Variants in EPRS1 observed in about 807,000 individuals in gnomAD.
The protein encoded by EPRS1 is glutamyl-prolyl-tRNA synthetase 1.
In EPRS1, 107 loss-of-function variants were observed where a neutral mutation model predicts 188.3. That is an observed-to-expected ratio of 0.57 (90% CI 0.49 to 0.67). EPRS1 has a LOEUF of 0.67. EPRS1 is among the 30% of genes least tolerant of loss of function. The pLI, the probability that EPRS1 is intolerant of heterozygous loss-of-function variation, is 0.00. For synonymous variants in EPRS1, 596 were observed against 593.1 expected (o/e 1.00, Z -0.07); for missense variants, 1,577 against 1,802.2 (o/e 0.88, Z 2.26).
intron 5 of EPRS1, among the ~76,000 whole-genome samples, chr1:220,032,138 G>C (rs188041160): frequency 1.3e-5 from 2 of 151,362 alleles, no homozygotes; most frequent in Non-Finnish European, 2.9e-5. Flanking sequence ...GCAGTGGCGC[G>C]ATCTCGGCTC....
chr1:220,001,391 AGT>A (rs1345720303), intron 16 of EPRS1, 136 bp from the exon 17 acceptor site: 13 of 626,012 alleles, frequency 2.1e-5, no homozygotes, highest in Middle Eastern at 4.2e-4. Flanking sequence ...TTTTTGAGAC[AGT>A]CTCACTCTGT....
Position 219,978,696 on chromosome 1 carries a change from A to G in EPRS1, c.3933T>C (p.Ile1311=), listed in dbSNP as rs150377638. ...TGTCTTCTTCAGAAAGTGCATTGGT[A>G]ATGCCACAAGGAATAATCACCACCT... ...CVQVVIIPCG[I]TNALSEEDKE... Residue 1311 remains isoleucine (I), a synonymous_variant, in exon 28 of 32, where the codon ATT becomes ATC. Coordinates refer to ENST00000366923, the MANE Select transcript of EPRS1 (RefSeq NM_004446.3). 2.6e-5 allele frequency: 42 copies of G among 1,610,786 alleles called. No individual in the cohort carries two copies. The African/African-American group carries it at 4.1e-4, about 16-fold the overall frequency.
intron 2 of EPRS1, among the ~76,000 whole-genome samples, chr1:220,036,413 CAA>C (rs1199287809): frequency 6.6e-6 from 1 of 151,476 alleles, no homozygotes; most frequent in African/African-American, 2.4e-5. Flanking sequence ...TTCACAATAA[CAA>C]AGACATGGAA....
chr1:220,020,598 G>A (rs1205478243), intron 9 of EPRS1, among the ~76,000 whole-genome samples: 3 of 149,514 alleles, frequency 2.0e-5, no homozygotes, highest in South Asian at 2.1e-4. Context: ...TTTTTGAGAC[G>A]GAGTCTCACT....
At position 220,006,154 on chromosome 1, in the gene EPRS1, C is replaced by T. The variant is rs1224456338; in HGVS notation, c.1902G>A (p.Val634=). The T allele has an allele frequency of 1.3e-6, 2 of 1,596,702 alleles. No homozygotes were observed. Among genetic ancestry groups the T allele is most frequent in the Admixed American group, 1.7e-5 (1 of 58,664 alleles). Residue 634 remains valine, a synonymous_variant, in exon 15 of 32, where the codon GTG becomes GTA. Coordinates refer to ENST00000366923, the MANE Select transcript of EPRS1 (RefSeq NM_004446.3). The part of the protein sequence containing the change: ...VTYEHLITKP[V]LGKDEDFKQY... ...GCTTAAAGTCCTCGTCTTTTCCTAG[C>T]ACTGGCTTTGTGATCAAGTGCTCAT...
intron 24 of EPRS1, 76 bp from the exon 25 acceptor site, chr1:219,980,933 T>C: frequency 1.1e-6 from 1 of 941,220 alleles, no homozygotes; most frequent in Non-Finnish European, 1.7e-6. Flanking sequence ...AGGGTCTTGC[T>C]CTGTCCCCCA....
intron 29 of EPRS1, among the ~76,000 whole-genome samples, chr1:219,972,603 C>G (rs1160677486): frequency 6.6e-6 from 1 of 152,176 alleles, no homozygotes; most frequent in Non-Finnish European, 1.5e-5. Flanking sequence ...TGGTAGTGGG[C>G]TTTCCTCTCT....
chr1:220,046,351 G>A lies in EPRS1; in HGVS notation c.38C>T (p.Pro13Leu), dbSNP rs1303664551. 6.2e-7 allele frequency: 1 copy of A among 1,614,134 alleles called. No individual in the cohort carries two copies. Among genetic ancestry groups the A allele is most frequent in the Admixed American group, 1.7e-5 (1 of 60,020 alleles). Residue 13 changes from proline (P) to leucine (L), a missense_variant, in exon 1 of 32, where the codon CCT becomes CTT. By Grantham distance (98) the Pro-to-Leu change is moderately conservative. This residue lies in a region of EPRS1 where 1,278 missense variants were observed against 1,457.4 expected (regional missense o/e 0.88). Transcript: ENST00000366923. ...TGGTCTCGGCCCCTTACCTAGCGGA[G>A]GGTCTCCTGAATTCACGGTCAGAGA... The part of the protein sequence containing the change: ...TLSLTVNSGD[P>L]PLGALLAVEH...
intron 6 of EPRS1, among the ~76,000 whole-genome samples, chr1:220,028,870 C>T (rs2577147): frequency 0.86 from 131,326 of 151,992 alleles, 57,159 homozygotes; most frequent in African/African-American, 0.97. Context: ...TTTAACAGTA[C>T]AAGAAGAGAT....
Position 219,997,209 on chromosome 1 carries a change from G to A in EPRS1, c.2315C>T (p.Ala772Val). The A allele has an allele frequency of 6.2e-7, 1 of 1,614,022 alleles. No individual in the cohort carries two copies. The highest frequency in any genetic ancestry group is 8.5e-7 in the Non-Finnish European group (1 of 1,179,970). The change falls in exon 18 of 32, where the codon GCA becomes GTA. Residue 772 changes from alanine (A) to valine (V), a missense_variant. Physicochemically the swap from Ala to Val is moderately conservative, Grantham distance 64. This residue lies in a region of EPRS1 where 1,278 missense variants were observed against 1,457.4 expected (regional missense o/e 0.88). Coordinates refer to ENST00000366923, the MANE Select transcript of EPRS1 (RefSeq NM_004446.3). ...AGCTGCATCTACATCTTCCTTTGGTGCTTTCTTGGCTTTTAATTCACGAAC... is the reference window on the plus strand; with the variant it reads ...AGCTGCATCTACATCTTCCTTTGGTACTTTCTTGGCTTTTAATTCACGAAC... ...DVVRELKAKKAPKEDVDAAVK... is the reference protein window; with the variant it reads ...DVVRELKAKKVPKEDVDAAVK...
chr1:220,032,897 TACAC>T (rs1001951491), intron 4 of EPRS1, among the ~76,000 whole-genome samples: 6 of 152,130 alleles, frequency 3.9e-5, no homozygotes, highest in Non-Finnish European at 8.8e-5. Context: ...TATGTATATA[TACAC>T]ACACATATAT....
At position 219,997,044 on chromosome 1, in the gene EPRS1, T is replaced by A; in HGVS notation, c.2480A>T (p.Tyr827Phe). The change falls in exon 18 of 32, where the codon TAT becomes TTT. Residue 827 changes from tyrosine to phenylalanine, a missense_variant. By Grantham distance (22) the Tyr-to-Phe change is conservative. Coordinates refer to ENST00000366923, the MANE Select transcript of EPRS1 (RefSeq NM_004446.3). The part of the protein sequence containing the change: ...SASILESKSL[Y>F]DEVAAQGEVV... ...CTCCCCTTGTGCAGCAACTTCATCA[T>A]ACAGAGATTTACTTTCCAGAATACT... The A allele has an allele frequency of 1.2e-6, 2 of 1,613,648 alleles. No individual in the cohort carries two copies. The highest frequency in any genetic ancestry group is 1.7e-6 in the Non-Finnish European group (2 of 1,179,878).
At chr1:220,009,345 A>G (rs1237386731) in intron 13 of EPRS1, among the ~76,000 whole-genome samples, 1 of 152,246 alleles carries the variant, frequency 6.6e-6, no homozygotes, top group African/African-American at 2.4e-5. Flanking sequence ...CACAGTTATA[A>G]GCTTGGCTAC....
Position 219,968,974 on chromosome 1 carries a change from T to A in EPRS1, c.4389-18A>T, listed in dbSNP as rs779451491. On this transcript the variant is annotated intron_variant, in intron 31 of 31. Transcript: ENST00000366923. ...CTTGATCCCTGAAATTAATAACAAA[T>A]AAGAATTCCACTCATTTATGCTGCA... 6.2e-7 allele frequency: 1 copy of A among 1,613,854 alleles called. No individual in the cohort carries two copies.
rs763318858 is a variant in EPRS1, at chr1:219,988,792, A to T, written c.2573T>A (p.Leu858Gln). 6.2e-7 allele frequency: 1 copy of T among 1,611,092 alleles called. No homozygotes were observed. The highest frequency in any genetic ancestry group is 1.3e-5 in the African/African-American group (1 of 74,986). ...AKINEAVECL[L>Q]SLKAQYKEKT... ...TTCTTTATACTGAGCCTTCAGGGACAGTAAGCATTCTACAGCTTCATTTAT... is the reference window on the plus strand; with the variant it reads ...TTCTTTATACTGAGCCTTCAGGGACTGTAAGCATTCTACAGCTTCATTTAT... Residue 858 changes from leucine (L) to glutamine (Q), a missense_variant, in exon 19 of 32, where the codon CTG (leucine) becomes CAG (glutamine). By Grantham distance (113) the Leu-to-Gln change is moderately radical. This residue lies in a region of EPRS1 where 1,278 missense variants were observed against 1,457.4 expected (regional missense o/e 0.88). Coordinates refer to ENST00000366923, the MANE Select transcript of EPRS1 (RefSeq NM_004446.3).
At chr1:219,995,743 C>A (rs1661218239) in intron 18 of EPRS1, among the ~76,000 whole-genome samples, 1 of 152,166 alleles carries the variant, frequency 6.6e-6, no homozygotes, top group South Asian at 2.1e-4. Flanking sequence ...AAAATATTAA[C>A]TCCTGGGGCA....
intron 8 of EPRS1, 75 bp from the exon 9 acceptor site, chr1:220,022,593 T>C (rs1571690190): frequency 8.2e-7 from 1 of 1,216,246 alleles, no homozygotes. Context: ...TATAATTTGA[T>C]ATAAATTTTC....
chr1:220,002,793 C>G (rs1176922110), intron 16 of EPRS1, among the ~76,000 whole-genome samples: 1 of 152,024 alleles, frequency 6.6e-6, no homozygotes, highest in Non-Finnish European at 1.5e-5. Context: ...CTGGGGAGGT[C>G]AAGCCGCTGC....
intron 17 of EPRS1, 75 bp from the exon 18 acceptor site, chr1:219,997,417 AT>A (rs1661258918): frequency 7.8e-7 from 1 of 1,287,438 alleles, no homozygotes. Flanking sequence ...TTTCAAACTG[AT>A]TGTTTTATAA....
Sources: allele counts gnomAD v4.1 joint callset (sites outside exome capture counted in the v4.1 genomes callset), GRCh38; gene constraint gnomAD v4.1.1; regional missense constraint gnomAD v4.1.1; transcripts MANE v1.5; gene names NCBI Gene and HGNC (gene_info 2026-07-23, HGNC 2026-07-21).